DOCK3: variants seen among roughly 807,000 people sequenced by gnomAD.
DOCK3 encodes dedicator of cytokinesis 3, also known as dedicator of cytokinesis protein 3.
DOCK3 carries 60 observed loss-of-function variants against 265.6 expected under a neutral mutation model. The ratio of observed to expected loss-of-function variants is 0.23; its 90% CI spans 0.18 to 0.28. The LOEUF (loss-of-function observed/expected upper bound fraction) is 0.28, where lower values mean the gene tolerates loss of function less well. Among genes scored for constraint, DOCK3 ranks in the 10% least tolerant of loss-of-function variants. The pLI, the probability that DOCK3 is intolerant of heterozygous loss-of-function variation, is 1.00. For missense variants in DOCK3, 1,981 were observed against 2,594.3 expected (o/e 0.76, Z 5.14); for synonymous variants, 881 against 938.0 (o/e 0.94, Z 1.11).
intron 1 of DOCK3, among the ~76,000 whole-genome samples, chr3:50,695,657 C>T (rs1024743672): frequency 3.3e-5 from 5 of 152,088 alleles, no homozygotes; most frequent in Admixed American, 6.6e-5. Flanking sequence ...CTTTGGAATG[C>T]GAGAGAGAAC....
At chr3:51,023,675 C>G (rs1227182120) in intron 5 of DOCK3, among the ~76,000 whole-genome samples, 1 of 152,202 alleles carries the variant, frequency 6.6e-6, no homozygotes, top group Non-Finnish European at 1.5e-5. Flanking sequence ...CTTGGCCTCC[C>G]AAAGTGCTGG....
At chr3:50,871,009 C>T (rs2047406335) in intron 3 of DOCK3, among the ~76,000 whole-genome samples, 1 of 152,038 alleles carries the variant, frequency 6.6e-6, no homozygotes, top group Non-Finnish European at 1.5e-5. Flanking sequence ...ATCATTTTGT[C>T]TTTCTACTTA....
In DOCK3 at chr3:50,825,224, A is replaced by G. The variant is rs567256410; in HGVS notation, c.122-16451A>G. Among the ~76,000 whole-genome samples the G allele has an allele frequency of 2.0e-5, 3 of 152,326 alleles. No individual in the cohort carries two copies. The South Asian group carries it at 6.2e-4, about 32-fold the overall frequency. On this transcript the variant is annotated intron_variant, in intron 2 of 52. Transcript: ENST00000266037. ...ATTTTGCTTCTCTCTGAAACACTAC[A>G]AAAAAGAAGATACAGAGATTATAAA...
At chr3:51,230,683 A>G (rs530541308) in intron 19 of DOCK3, among the ~76,000 whole-genome samples, 1 of 152,102 alleles carries the variant, frequency 6.6e-6, no homozygotes, top group South Asian at 2.1e-4. Context: ...CGCCCAGCAA[A>G]TTTTTGTATT....
rs147630072 is a variant in DOCK3 at position 51,337,108 on chromosome 3, G to A, written c.3612-1251G>A. Among the ~76,000 whole-genome samples, 815 of 152,324 alleles carry A rather than the reference G, an allele frequency of 5.4e-3. 5 individuals carry two copies. Among genetic ancestry groups the A allele is most frequent in the Non-Finnish European group, 7.6e-3 (518 of 68,030 alleles). On this transcript the variant is annotated intron_variant, in intron 35 of 52. Coordinates refer to ENST00000266037, the MANE Select transcript of DOCK3 (RefSeq NM_004947.5). Reference sequence around the variant, plus strand: ...GCTACATAGGAACCAAATATCTTACGTGGTGAATGTGCTGATAGGTCAAAC... The same window carrying A: ...GCTACATAGGAACCAAATATCTTACATGGTGAATGTGCTGATAGGTCAAAC...
chr3:51,280,379 T>G (rs2081048128), intron 27 of DOCK3, among the ~76,000 whole-genome samples, 175 bp downstream of exon 27: 1 of 152,190 alleles, frequency 6.6e-6, no homozygotes, highest in African/African-American at 2.4e-5. Flanking sequence ...GCCAGCAGTG[T>G]CCCCACACAG....
intron 12 of DOCK3, among the ~76,000 whole-genome samples, chr3:51,176,097 G>A (rs2086935045): frequency 6.6e-6 from 1 of 152,144 alleles, no homozygotes; most frequent in South Asian, 2.1e-4. Flanking sequence ...TATTATTTCT[G>A]CTGCAAAACA....
intron 2 of DOCK3, among the ~76,000 whole-genome samples, chr3:50,833,889 TAG>T (rs1011708691): frequency 2.0e-5 from 3 of 152,142 alleles, no homozygotes; most frequent in African/African-American, 7.2e-5. Context: ...AGAAATCAGG[TAG>T]AGAGAGACAA....
chr3:51,005,816 A>G (rs1288389734), intron 5 of DOCK3, among the ~76,000 whole-genome samples: 1 of 151,962 alleles, frequency 6.6e-6, no homozygotes, highest in East Asian at 1.9e-4. Flanking sequence ...TTTTTCCCCC[A>G]ACTAACATCC....
chr3:50,864,191 TTTTC>T (rs1232715820), intron 3 of DOCK3, among the ~76,000 whole-genome samples: 1 of 152,196 alleles, frequency 6.6e-6, no homozygotes, highest in Non-Finnish European at 1.5e-5. Flanking sequence ...TTTATTTACA[TTTTC>T]CTGATTATTA....
At chr3:51,108,854 G>A (rs558131248) in intron 9 of DOCK3, among the ~76,000 whole-genome samples, 12 of 152,210 alleles carry the variant, frequency 7.9e-5, no homozygotes, top group African/African-American at 2.2e-4. Context: ...ATATATATGC[G>A]CTCAACACAG....
intron 4 of DOCK3, among the ~76,000 whole-genome samples, chr3:50,903,434 TTG>T (rs1437760345): frequency 6.6e-6 from 1 of 152,214 alleles, no homozygotes; most frequent in African/African-American, 2.4e-5. Context: ...CATGTTGTTT[TTG>T]TCTTTAGTTC....
intron 7 of DOCK3, among the ~76,000 whole-genome samples, chr3:51,080,131 T>C (rs980187117): frequency 2.0e-5 from 3 of 152,240 alleles, no homozygotes; most frequent in African/African-American, 7.2e-5. Context: ...ACTCACAATA[T>C]TTAACACAAT....
At chr3:50,976,354 G>A (rs1444787280) in intron 5 of DOCK3, among the ~76,000 whole-genome samples, 146 of 136,166 alleles carry the variant, frequency 1.1e-3, no homozygotes, top group African/African-American at 3.7e-3. Flanking sequence ...CTTTGTTCTC[G>A]TTGGTTTCAA....
intron 2 of DOCK3, among the ~76,000 whole-genome samples, chr3:50,804,445 C>A (rs2043281211): frequency 6.6e-6 from 1 of 152,132 alleles, no homozygotes; most frequent in African/African-American, 2.4e-5. Flanking sequence ...CCAGCCTGGG[C>A]AACATTGAGC....
chr3:51,248,720 C>T (rs1460685423), intron 22 of DOCK3, among the ~76,000 whole-genome samples: 4 of 151,852 alleles, frequency 2.6e-5, no homozygotes, highest in Non-Finnish European at 5.9e-5. Flanking sequence ...GCGTCTCCGC[C>T]CGGCCGCCAT....
At chr3:51,270,635 T>C (rs2080444432) in intron 23 of DOCK3, among the ~76,000 whole-genome samples, 180 bp from the exon 24 acceptor site, 1 of 152,194 alleles carries the variant, frequency 6.6e-6, no homozygotes, top group Non-Finnish European at 1.5e-5. Context: ...TTTGGTTTCC[T>C]TTTTGGTTTT....
intron 3 of DOCK3, among the ~76,000 whole-genome samples, chr3:50,869,342 A>ATTTTTTTTTTTTTGTTTTTTTTTTTT (rs2047318332): frequency 1.4e-5 from 1 of 70,066 alleles, no homozygotes; most frequent in Non-Finnish European, 2.6e-5. Context: ...TCTGCTGGGA[A>ATTTTTTTTTTTTTGTTTTTTTTTTTT]TTTTTTTTTT....
At chr3:51,203,416 T>A (rs1220396826) in intron 12 of DOCK3, among the ~76,000 whole-genome samples, 4 of 152,162 alleles carry the variant, frequency 2.6e-5, no homozygotes, top group Non-Finnish European at 4.4e-5. Context: ...CATTCACAAT[T>A]GCTTCAAAGA....
Sources: gnomAD v4.1 joint callset for allele counts (sites outside exome capture counted in the v4.1 genomes callset) on GRCh38, gnomAD v4.1.1 for gene constraint, MANE v1.5 for transcripts, NCBI Gene and HGNC (gene_info 2026-07-23, HGNC 2026-07-21) for gene names.